HDAC2: variants seen among roughly 807,000 people sequenced by gnomAD.
The protein encoded by HDAC2 is YY1-associated factor 1.
In HDAC2, 5 loss-of-function variants were observed where a neutral mutation model predicts 68.5. That is an observed-to-expected ratio of 0.07 (90% confidence interval 0.04 to 0.15). HDAC2 has a LOEUF of 0.15. HDAC2 is among the 10% of genes least tolerant of loss of function. The probability of loss-of-function intolerance (pLI) is 1.00; values close to 1 mark genes in which losing one functional copy is unlikely to be tolerated. For missense variants in HDAC2, 291 were observed against 600.8 expected (o/e 0.48, Z 5.39); for synonymous variants, 182 against 191.3 (o/e 0.95, Z 0.40).
Position 113,971,019 on chromosome 6 carries a change from G to A in HDAC2, c.-111C>T, listed in dbSNP as rs745603514. The A allele has an allele frequency of 1.9e-6, 3 of 1,576,632 alleles. No individual in the cohort carries two copies. Among genetic ancestry groups the A allele is most frequent in the Admixed American group, 3.7e-5 (2 of 53,782 alleles). On this transcript the variant is annotated 5_prime_UTR_variant, in exon 1 of 14. Transcript: ENST00000519065. ...AAAGGGCTGAGGGAAACGTGGGGGC[G>A]ATAGTCCCGCGGGGAAGGGCAGGCC...
chr6:113,952,740 T>C (rs533044083), intron 6 of HDAC2, among the ~76,000 whole-genome samples: 1 of 152,208 alleles, frequency 6.6e-6, no homozygotes, highest in Non-Finnish European at 1.5e-5. Context: ...TGGAAAAAGA[T>C]AACAAATAAA....
intron 8 of HDAC2, chr6:113,946,880 A>G (rs1417803380): frequency 1.3e-5 from 2 of 152,134 alleles, no homozygotes; most frequent in African/African-American, 4.8e-5. Context: ...TGCATACTGA[A>G]GAGTATTTGG....
At chr6:113,955,360 C>T (rs1178009905) in intron 5 of HDAC2, among the ~76,000 whole-genome samples, 1 of 152,058 alleles carries the variant, frequency 6.6e-6, no homozygotes, top group East Asian at 1.9e-4. Flanking sequence ...ATTACAGGCG[C>T]ACGCCACCAC....
intron 11 of HDAC2, among the ~76,000 whole-genome samples, 189 bp from the exon 12 acceptor site, chr6:113,943,695 T>C (rs1181366977): frequency 6.6e-6 from 1 of 152,234 alleles, no homozygotes; most frequent in Non-Finnish European, 1.5e-5. Flanking sequence ...CTTTCATGTA[T>C]GAAGAAATGG....
Position 113,933,607 on chromosome 6 carries a change from CTTTA to C in HDAC2, c.*7447_*7450del, listed in dbSNP as rs35075485. On this transcript the variant is annotated 3_prime_UTR_variant, in exon 14 of 14. Transcript: ENST00000519065. ...TCCATTCCACAAATAATAATTGAGG[CTTTA>C]TTTATGTGTTAGGCACTGTTCTAGA... 76,831 of 151,100 alleles carry C rather than the reference CTTTA, an allele frequency of 0.51. 20,028 individuals are homozygous for C. The highest frequency in any genetic ancestry group is 0.68 in the East Asian group (3,439 of 5,090). 9.4% of individuals were successfully genotyped at this position (151,100 alleles called of 1,614,324 possible). A position where few individuals can be genotyped will look rare whatever the true frequency, so the allele number is the denominator to read the frequency against.
chr6:113,945,281 C>T (rs1776242669), intron 10 of HDAC2, 81 bp downstream of exon 10: 1 of 586,298 alleles, frequency 1.7e-6, no homozygotes. Flanking sequence ...GTTAAAAAGA[C>T]CCATCATACT....
At chr6:113,941,645 C>T (rs1439310258) in intron 13 of HDAC2, 63 bp downstream of exon 13, 7 of 623,002 alleles carry the variant, frequency 1.1e-5, no homozygotes, top group Non-Finnish European at 1.6e-5. Context: ...CAAACACACA[C>T]CAATAAACAT....
intron 1 of HDAC2, among the ~76,000 whole-genome samples, chr6:113,967,148 C>CT (rs902014721): frequency 3.3e-5 from 5 of 149,904 alleles, no homozygotes; most frequent in Admixed American, 6.7e-5. Context: ...ATCTTGGTAA[C>CT]TTTTTTTTTT....
Position 113,952,350 on chromosome 6 carries a change from T to C in HDAC2, c.639+927A>G, listed in dbSNP as rs1776439835. Among the ~76,000 whole-genome samples the C allele has an allele frequency of 3.9e-5, 6 of 152,324 alleles. No homozygotes were observed. In the South Asian group the frequency reaches 1.0e-3, roughly 26 times the overall value. On this transcript the variant is annotated intron_variant, in intron 6 of 13. Transcript: ENST00000519065. ...TTGACCTCCCACCCATTTGTAAGTA[T>C]GGAAAAGTTTCAGTAAGGTAACTCT... is the stretch of plus-strand genomic sequence containing the variant.
intron 8 of HDAC2, chr6:113,946,770 T>C (rs554664392): frequency 6.6e-6 from 1 of 152,244 alleles, no homozygotes; most frequent in South Asian, 2.1e-4. Flanking sequence ...TAAACATTTA[T>C]AAGTTTCCAG....
At chr6:113,943,562 T>C in intron 11 of HDAC2, 56 bp from the exon 12 acceptor site, 1 of 1,398,744 alleles carries the variant, frequency 7.1e-7, no homozygotes. Context: ...TTTATAATCA[T>C]TACAGCATAC....
rs1462532522 is a variant in HDAC2, at chr6:113,970,850, C to T, written c.52+7G>A. 3 of 1,538,240 alleles carry T rather than the reference C, an allele frequency of 2.0e-6. No homozygotes were observed. Among genetic ancestry groups the T allele is most frequent in the East Asian group, 2.5e-5 (1 of 40,656 alleles). On this transcript the variant is annotated splice_region_variant and intron_variant, in intron 1 of 13. Transcript: ENST00000519065. Reference sequence around the variant, plus strand: ...GCGCCCACCCCGACACCGGCCCGGCCGCTCACCGTCGTAGTAGTAGCAGAC... The same window carrying T: ...GCGCCCACCCCGACACCGGCCCGGCTGCTCACCGTCGTAGTAGTAGCAGAC...
intron 5 of HDAC2, among the ~76,000 whole-genome samples, chr6:113,955,640 G>C (rs1776535158): frequency 6.6e-6 from 1 of 151,962 alleles, no homozygotes; most frequent in African/African-American, 2.4e-5. Flanking sequence ...TCAGCCTCCT[G>C]GGTAGTTGGG....
chr6:113,945,954 G>A lies in HDAC2; in HGVS notation c.982+54C>T, dbSNP rs1776255295. ...GGACCTAATTGCAACATAATTAGAG[G>A]AGCATCTGTATTGACAGTTCATACA... On this transcript the variant is annotated intron_variant, in intron 9 of 13. Coordinates refer to ENST00000519065, the MANE Select transcript of HDAC2 (RefSeq NM_001527.4). The A allele has an allele frequency of 5.9e-6, 8 of 1,360,730 alleles. No homozygotes were observed. The South Asian group carries it at 8.4e-5, about 14-fold the overall frequency. 84.3% of individuals were successfully genotyped at this position (1,360,730 alleles called of 1,614,324 possible).
chr6:113,971,039 C>T lies in HDAC2; in HGVS notation c.-131G>A. 2 of 1,571,782 alleles carry T rather than the reference C, an allele frequency of 1.3e-6. No homozygotes were observed. Among genetic ancestry groups the T allele is most frequent in the Non-Finnish European group, 8.6e-7 (1 of 1,157,712 alleles). ...GGGGCGATAGTCCCGCGGGGAAGGG[C>T]AGGCCGGTGGGAGGAGAGGAGGGGG... On this transcript the variant is annotated 5_prime_UTR_variant, in exon 1 of 14. Coordinates refer to ENST00000519065, the MANE Select transcript of HDAC2 (RefSeq NM_001527.4).
intron 3 of HDAC2, 28 bp from the exon 4 acceptor site, chr6:113,956,721 A>C: frequency 2.7e-6 from 4 of 1,496,632 alleles, no homozygotes; most frequent in Non-Finnish European, 3.7e-6. Context: ...CATTAATTTC[A>C]ACACATTCTG....
chr6:113,956,587 C>G (rs369677611), intron 4 of HDAC2, 32 bp downstream of exon 4: 1 of 1,474,372 alleles, frequency 6.8e-7, no homozygotes, highest in Non-Finnish European at 9.5e-7. Context: ...AAGTTCAGAT[C>G]AACTTTTAAA....
chr6:113,949,517 CAGAAA>C (rs1776350184), intron 6 of HDAC2, among the ~76,000 whole-genome samples: 1 of 59,624 alleles, frequency 1.7e-5, no homozygotes, highest in Non-Finnish European at 3.2e-5. Context: ...TTATTTTTGA[CAGAAA>C]AGAAATTTAA....
At chr6:113,965,773 G>A (rs1776799294) in intron 1 of HDAC2, among the ~76,000 whole-genome samples, 1 of 152,192 alleles carries the variant, frequency 6.6e-6, no homozygotes, top group South Asian at 2.1e-4. Context: ...TATTTGATAT[G>A]TCTGAACCCA....
Sources: allele counts gnomAD v4.1 joint callset (sites outside exome capture counted in the v4.1 genomes callset), GRCh38; gene constraint gnomAD v4.1.1; transcripts MANE v1.5; gene names NCBI Gene and HGNC (gene_info 2026-07-23, HGNC 2026-07-21).